Variants in FRYL observed in about 807,000 individuals in gnomAD.
The protein encoded by FRYL is FRY like transcription coactivator.
Under a neutral mutation model 351.2 loss-of-function variants are expected in FRYL, and 150 were observed. The observed-to-expected ratio is 0.43, with a 90% CI of 0.37 to 0.49. The LOEUF is 0.49. Ranked by LOEUF, FRYL falls within the 20% of genes least tolerant of loss-of-function variation. The probability of loss-of-function intolerance (pLI) is 0.00; values close to 1 mark genes in which losing one functional copy is unlikely to be tolerated. For missense variants in FRYL, 3,036 were observed against 3,619.3 expected (o/e 0.84, Z 4.13); for synonymous variants, 1,153 against 1,257.1 (o/e 0.92, Z 1.75).
At chr4:48,499,886 T>C in intron 63 of FRYL, 144 bp downstream of exon 63, 6 of 758,972 alleles carry the variant, frequency 7.9e-6, no homozygotes, top group Non-Finnish European at 1.2e-5. Flanking sequence ...ATTGGTATCA[T>C]TTCAGTGGCA....
intron 1 of FRYL, among the ~76,000 whole-genome samples, chr4:48,755,519 A>G (rs1336902037): frequency 1.3e-5 from 2 of 152,180 alleles, no homozygotes; most frequent in African/African-American, 4.8e-5. Flanking sequence ...TATTCAGCTG[A>G]CATTATCCCC....
At chr4:48,503,283 C>T (rs979289405) in intron 60 of FRYL, among the ~76,000 whole-genome samples, 3 of 152,056 alleles carry the variant, frequency 2.0e-5, no homozygotes, top group African/African-American at 7.2e-5. Context: ...GGCTTATAAT[C>T]GTACATAATA....
chr4:48,572,533 C>A (rs973381717), intron 26 of FRYL, among the ~76,000 whole-genome samples: 1 of 152,192 alleles, frequency 6.6e-6, no homozygotes, highest in African/African-American at 2.4e-5. Context: ...CTTCAAAATT[C>A]ATCTGAAATA....
At chr4:48,519,069 A>T (rs1313662512) in intron 55 of FRYL, among the ~76,000 whole-genome samples, 1 of 152,234 alleles carries the variant, frequency 6.6e-6, no homozygotes, top group Non-Finnish European at 1.5e-5. Flanking sequence ...GTTACTTAAT[A>T]GGTATCTCTT....
At chr4:48,503,698 T>G (rs376489281) in intron 60 of FRYL, among the ~76,000 whole-genome samples, 15 of 152,180 alleles carry the variant, frequency 9.9e-5, no homozygotes, top group East Asian at 7.7e-4. Flanking sequence ...AGGACTGTTT[T>G]TCATAAAGTT....
rs777537020 is a variant in FRYL at position 48,540,691 on chromosome 4, C to T, written c.5957G>A (p.Gly1986Glu). 1 of 1,614,022 alleles carries T rather than the reference C, an allele frequency of 6.2e-7. No individual in the cohort carries two copies. Residue 1986 changes from glycine to glutamate, a missense_variant, in exon 46 of 64, where the codon GGA becomes GAA. Gly to Glu is a moderately conservative substitution (Grantham distance 98). This residue lies in a region of FRYL where 1,987 missense variants were observed against 2,311.7 expected (regional missense o/e 0.86). Transcript: ENST00000358350. ...AGTAGTGGACTGCACGTCATACATT[C>T]CTTTCTCTCTTAGAGAGGAAAGGCT... ...TRSLSSLREKGMYDVQSTTEP... is the reference protein window; with the variant it reads ...TRSLSSLREKEMYDVQSTTEP...
At chr4:48,537,449 C>T (rs1349822566) in intron 47 of FRYL, among the ~76,000 whole-genome samples, 1 of 152,080 alleles carries the variant, frequency 6.6e-6, no homozygotes, top group Non-Finnish European at 1.5e-5. Context: ...CTAAGTGTTG[C>T]CTCATTTTGA....
intron 5 of FRYL, among the ~76,000 whole-genome samples, chr4:48,621,269 A>C (rs968569113): frequency 6.6e-6 from 1 of 152,230 alleles, no homozygotes; most frequent in Non-Finnish European, 1.5e-5. Context: ...GAGGAGAATT[A>C]TAATTACTCT....
intron 19 of FRYL, among the ~76,000 whole-genome samples, chr4:48,583,376 C>T (rs1741343802): frequency 6.6e-6 from 1 of 152,108 alleles, no homozygotes; most frequent in South Asian, 2.1e-4. Context: ...TGGTCTGGAT[C>T]TCCTGACCTC....
intron 4 of FRYL, among the ~76,000 whole-genome samples, chr4:48,625,393 T>C (rs564208285): frequency 2.0e-5 from 3 of 152,292 alleles, no homozygotes; most frequent in Admixed American, 1.3e-4. Flanking sequence ...CAGTAAGTCA[T>C]GGTATATTCT....
chr4:48,609,497 C>T (rs1747596457), intron 8 of FRYL, among the ~76,000 whole-genome samples: 1 of 151,982 alleles, frequency 6.6e-6, no homozygotes, highest in African/African-American at 2.4e-5. Context: ...TGGCGTGCAC[C>T]TGTAGTCCTA....
At chr4:48,636,162 T>C (rs1213020430) in intron 3 of FRYL, among the ~76,000 whole-genome samples, 1 of 152,156 alleles carries the variant, frequency 6.6e-6, no homozygotes, top group Non-Finnish European at 1.5e-5. Context: ...GTGTACATTA[T>C]TTTAAACAAT....
chr4:48,660,087 A>G (rs909215059), intron 3 of FRYL, among the ~76,000 whole-genome samples: 2 of 151,866 alleles, frequency 1.3e-5, no homozygotes, highest in African/African-American at 4.8e-5. Context: ...AGAAACAAAG[A>G]AAGTAGAGAA....
At chr4:48,751,291 A>G (rs955465036) in intron 1 of FRYL, among the ~76,000 whole-genome samples, 2 of 152,210 alleles carry the variant, frequency 1.3e-5, no homozygotes, top group Non-Finnish European at 2.9e-5. Flanking sequence ...AAATTTCACA[A>G]TGATGAAGAT....
intron 3 of FRYL, among the ~76,000 whole-genome samples, chr4:48,676,682 C>T (rs1320747423): frequency 3.9e-5 from 6 of 152,134 alleles, no homozygotes; most frequent in African/African-American, 1.2e-4. Context: ...TGAGCCACTG[C>T]GCCTGGCCAA....
intron 4 of FRYL, among the ~76,000 whole-genome samples, chr4:48,630,452 T>G (rs539885957): frequency 6.6e-6 from 1 of 152,244 alleles, no homozygotes; most frequent in South Asian, 2.1e-4. Context: ...AAGGTCTAAA[T>G]CAGAAGAAGA....
chr4:48,511,408 A>G (rs1313866681), intron 57 of FRYL, among the ~76,000 whole-genome samples: 1 of 152,192 alleles, frequency 6.6e-6, no homozygotes, highest in East Asian at 1.9e-4. Context: ...ACTTTAGGTA[A>G]AGTCATAAAA....
chr4:48,647,752 T>G (rs1756818423), intron 3 of FRYL, among the ~76,000 whole-genome samples: 1 of 152,194 alleles, frequency 6.6e-6, no homozygotes, highest in Non-Finnish European at 1.5e-5. Flanking sequence ...GGGACCATCA[T>G]GAAAAATTCA....
intron 2 of FRYL, among the ~76,000 whole-genome samples, chr4:48,685,788 T>C (rs1017711497): frequency 6.6e-6 from 1 of 152,044 alleles, no homozygotes; most frequent in African/African-American, 2.4e-5. Flanking sequence ...AGTTTCACTC[T>C]TGTTGCCCAG....
Sources: gnomAD v4.1 joint callset for allele counts (sites outside exome capture counted in the v4.1 genomes callset) on GRCh38, gnomAD v4.1.1 for gene constraint, gnomAD v4.1.1 regional missense constraint, MANE v1.5 for transcripts, NCBI Gene and HGNC (gene_info 2026-07-23, HGNC 2026-07-21) for gene names.